The following LRRC4C variants were observed in gnomAD, a reference collection of about 807,000 sequenced individuals.
LRRC4C encodes leucine rich repeat containing 4C, also known as leucine-rich repeat-containing protein 4C.
A neutral mutation model predicts 33.6 loss-of-function variants in LRRC4C; 5 were observed. The ratio of observed to expected loss-of-function variants is 0.15; its 90% CI spans 0.08 to 0.31. The LOEUF (loss-of-function observed/expected upper bound fraction) is 0.31, where lower values mean the gene tolerates loss of function less well. LRRC4C is among the 10% of genes least tolerant of loss of function. LRRC4C has a pLI of 1.00. For synonymous variants in LRRC4C, 329 were observed against 302.0 expected (o/e 1.09, Z -0.93); for missense variants, 560 against 796.7 (o/e 0.70, Z 3.58).
intron 1 of LRRC4C, among the ~76,000 whole-genome samples, chr11:40,980,585 G>T (rs1387449375): frequency 6.6e-6 from 1 of 152,074 alleles, no homozygotes; most frequent in East Asian, 1.9e-4. Flanking sequence ...AAAAGTCTAA[G>T]CAATTAAAAA....
At chr11:40,625,624 GT>G (rs1329942945) in intron 3 of LRRC4C, among the ~76,000 whole-genome samples, 7 of 152,150 alleles carry the variant, frequency 4.6e-5, no homozygotes, top group African/African-American at 1.7e-4. Context: ...ACCATATCAA[GT>G]ATAATCTTTC....
chr11:40,997,303 G>C (rs1854051516), intron 1 of LRRC4C, among the ~76,000 whole-genome samples: 1 of 152,052 alleles, frequency 6.6e-6, no homozygotes, highest in African/African-American at 2.4e-5. Flanking sequence ...AAAACTATAA[G>C]AGACAGTAAA....
chr11:40,842,901 T>C (rs964096129), intron 2 of LRRC4C, among the ~76,000 whole-genome samples: 3 of 152,140 alleles, frequency 2.0e-5, no homozygotes, highest in Non-Finnish European at 4.4e-5. Flanking sequence ...ACACTCTTTT[T>C]GTAGAATTTG....
intron 1 of LRRC4C, among the ~76,000 whole-genome samples, chr11:41,246,424 G>A (rs909221068): frequency 1.3e-5 from 2 of 152,308 alleles, no homozygotes; most frequent in Non-Finnish European, 2.9e-5. Context: ...TTCTGAGCTT[G>A]TAGGGGTAGG....
intron 1 of LRRC4C, among the ~76,000 whole-genome samples, chr11:41,072,508 C>A (rs1378302321): frequency 6.6e-6 from 1 of 151,930 alleles, no homozygotes; most frequent in Non-Finnish European, 1.5e-5. Context: ...TAGCACTTCC[C>A]TTACCTCCTG....
At chr11:41,344,212 T>C (rs1951728368) in intron 1 of LRRC4C, among the ~76,000 whole-genome samples, 1 of 149,416 alleles carries the variant, frequency 6.7e-6, no homozygotes, top group African/African-American at 2.4e-5. Flanking sequence ...TCTTTGCTCC[T>C]CTGTGAAGCC....
intron 2 of LRRC4C, among the ~76,000 whole-genome samples, chr11:40,817,143 C>T (rs1951738089): frequency 6.6e-6 from 1 of 152,148 alleles, no homozygotes; most frequent in South Asian, 2.1e-4. Context: ...TCCTTTGCCT[C>T]ACTCAGAAAA....
chr11:41,176,015 A>C (rs1464636340), intron 1 of LRRC4C, among the ~76,000 whole-genome samples: 1 of 152,022 alleles, frequency 6.6e-6, no homozygotes, highest in African/African-American at 2.4e-5. Flanking sequence ...GCATTCCCTG[A>C]CTATAATAGA....
At chr11:40,716,049 C>A (rs200207957) in intron 2 of LRRC4C, among the ~76,000 whole-genome samples, 10 of 149,862 alleles carry the variant, frequency 6.7e-5, no homozygotes, top group Non-Finnish European at 7.4e-5. Flanking sequence ...CAAAAACAAA[C>A]AAAAAAAAAA....
intron 3 of LRRC4C, among the ~76,000 whole-genome samples, chr11:40,633,042 T>C (rs1963599725): frequency 6.6e-6 from 1 of 152,218 alleles, no homozygotes; most frequent in Admixed American, 6.5e-5. Flanking sequence ...TTTTATGTCC[T>C]TTTTCCTCTT....
chr11:40,994,958 C>G (rs1051083178), intron 1 of LRRC4C, among the ~76,000 whole-genome samples: 2 of 152,058 alleles, frequency 1.3e-5, no homozygotes, highest in Non-Finnish European at 2.9e-5. Context: ...AATGTGACTT[C>G]TTTACACAGA....
At chr11:40,312,252 CCATA>C (rs1276183909) in intron 4 of LRRC4C, among the ~76,000 whole-genome samples, 2 of 152,154 alleles carry the variant, frequency 1.3e-5, no homozygotes, top group Non-Finnish European at 2.9e-5. Flanking sequence ...ATAACAGTAA[CCATA>C]AATAAACAAT....
At chr11:40,926,855 G>C (rs1957425416) in intron 2 of LRRC4C, among the ~76,000 whole-genome samples, 1 of 152,080 alleles carries the variant, frequency 6.6e-6, no homozygotes, top group South Asian at 2.1e-4. Flanking sequence ...AAAAACTTCA[G>C]ATATAGGCAT....
At chr11:41,446,380 GC>G (rs991243355) in intron 1 of LRRC4C, among the ~76,000 whole-genome samples, 1 of 152,202 alleles carries the variant, frequency 6.6e-6, no homozygotes, top group Non-Finnish European at 1.5e-5. Flanking sequence ...TGATTGCTCT[GC>G]TTGTTTTTCC....
chr11:40,934,542 G>A (rs1005607263), intron 1 of LRRC4C, among the ~76,000 whole-genome samples: 9 of 152,000 alleles, frequency 5.9e-5, no homozygotes, highest in Non-Finnish European at 1.0e-4. Context: ...TATAGTTTAC[G>A]CTATAATAAT....
intron 2 of LRRC4C, among the ~76,000 whole-genome samples, chr11:40,713,527 C>T (rs1197609696): frequency 6.6e-6 from 1 of 152,214 alleles, no homozygotes; most frequent in East Asian, 1.9e-4. Context: ...GACACAAGAA[C>T]TCTTAATTGT....
At chr11:40,577,834 T>C (rs1253792752) in intron 3 of LRRC4C, among the ~76,000 whole-genome samples, 1 of 60,164 alleles carries the variant, frequency 1.7e-5, no homozygotes, top group Non-Finnish European at 3.5e-5. Context: ...TCTTTTTTCT[T>C]TTTTTTTTTT....
At chr11:40,137,103 A>AT (rs1173064601) in intron 6 of LRRC4C, among the ~76,000 whole-genome samples, 2 of 152,188 alleles carry the variant, frequency 1.3e-5, no homozygotes, top group African/African-American at 4.8e-5. Context: ...AAACAACAAA[A>AT]TTATCACTTA....
At chr11:40,979,620 G>T (rs1335376362) in intron 1 of LRRC4C, among the ~76,000 whole-genome samples, 2 of 152,108 alleles carry the variant, frequency 1.3e-5, no homozygotes, top group Non-Finnish European at 2.9e-5. Flanking sequence ...AATTTGAGAA[G>T]CCCGAATTCA....
Sources: gnomAD v4.1 joint callset for allele counts (sites outside exome capture counted in the v4.1 genomes callset) on GRCh38, gnomAD v4.1.1 for gene constraint, MANE v1.5 for transcripts, NCBI Gene and HGNC (gene_info 2026-07-23, HGNC 2026-07-21) for gene names.